GRIP1: variants seen among roughly 807,000 people sequenced by gnomAD.
GRIP1 encodes glutamate receptor-interacting protein 1.
Under a neutral mutation model 129.9 loss-of-function variants are expected in GRIP1, and 45 were observed. That is an observed-to-expected ratio of 0.35 (90% CI 0.27 to 0.44). GRIP1 has a LOEUF of 0.44. Among genes scored for constraint, GRIP1 ranks in the 20% least tolerant of loss-of-function variants. The pLI, the probability that GRIP1 is intolerant of heterozygous loss-of-function variation, is 1.00. For synonymous variants in GRIP1, 530 were observed against 520.8 expected (o/e 1.02, Z -0.24); for missense variants, 1,196 against 1,396.8 (o/e 0.86, Z 2.29).
intron 1 of GRIP1, among the ~76,000 whole-genome samples, chr12:66,848,390 A>G (rs1374213236): frequency 6.6e-6 from 1 of 152,168 alleles, no homozygotes; most frequent in Non-Finnish European, 1.5e-5. Context: ...GGCCCTAGGA[A>G]TAAAACAGTG....
intron 1 of GRIP1, among the ~76,000 whole-genome samples, chr12:66,658,593 G>GA (rs72271340): frequency 4.0e-5 from 6 of 148,830 alleles, no homozygotes; most frequent in African/African-American, 4.9e-5. Flanking sequence ...AAAAAAAAAA[G>GA]AAAAAAAAAT....
chr12:66,389,769 T>A (rs2056507593), intron 19 of GRIP1, among the ~76,000 whole-genome samples: 1 of 152,184 alleles, frequency 6.6e-6, no homozygotes, highest in Non-Finnish European at 1.5e-5. Context: ...CTCCGGGCTG[T>A]CGGGCTGTTG....
At chr12:66,980,758 A>G (rs532265300) in intron 1 of GRIP1, among the ~76,000 whole-genome samples, 32 of 152,354 alleles carry the variant, frequency 2.1e-4, no homozygotes, top group African/African-American at 7.7e-4. Flanking sequence ...CCCCAGGCAG[A>G]CTGATTCCAG....
At position 66,451,383 on chromosome 12, in the gene GRIP1, G is replaced by GGTTTTT. The variant is rs1565751885; in HGVS notation, c.1354+4025_1354+4026insAAAAAC. Among the ~76,000 whole-genome samples, 2 of 42,650 alleles carry GGTTTTT rather than the reference G, an allele frequency of 4.7e-5. 1 individual carries two copies. The highest frequency in any genetic ancestry group is 8.4e-5 in the Non-Finnish European group (2 of 23,900). The allele number at this position is 42,650 out of a possible 152,430, so 28.0% of individuals were successfully genotyped here. Reference sequence around the variant, plus strand: ...CCCCAAAGATTTATTATTATAATCTGTTTTTTTTTTTTTTTTTTTTTTTTT... The same window carrying GGTTTTT: ...CCCCAAAGATTTATTATTATAATCTGGTTTTTTTTTTTTTTTTTTTTTTTTTTTTTT... On this transcript the variant is annotated intron_variant, in intron 11 of 24. Transcript: ENST00000359742.
chr12:66,743,955 A>C (rs2036867876), intron 1 of GRIP1, among the ~76,000 whole-genome samples: 3 of 152,136 alleles, frequency 2.0e-5, no homozygotes, highest in Admixed American at 2.0e-4. Context: ...GCTGTACAGA[A>C]TTCCTTGTCC....
At chr12:66,886,781 C>T (rs1632370) in intron 1 of GRIP1, among the ~76,000 whole-genome samples, 110,434 of 152,056 alleles carry the variant, frequency 0.73, 40,193 homozygotes, top group Admixed American at 0.81. Context: ...AAAAGCACTC[C>T]CTAACAAATA....
chr12:66,906,376 G>C (rs1320128258), intron 1 of GRIP1, among the ~76,000 whole-genome samples: 3 of 152,154 alleles, frequency 2.0e-5, no homozygotes, highest in East Asian at 1.9e-4. Flanking sequence ...CGAAGCTGAA[G>C]AGTTGTGAGT....
intron 1 of GRIP1, among the ~76,000 whole-genome samples, chr12:66,642,450 T>C (rs766982619): frequency 2.6e-5 from 4 of 151,146 alleles, no homozygotes; most frequent in South Asian, 2.1e-4. Flanking sequence ...GAGAGAGAAA[T>C]TGAAGCTAGA....
intron 9 of GRIP1, among the ~76,000 whole-genome samples, chr12:66,461,678 TA>T (rs1476487430): frequency 6.6e-6 from 1 of 152,204 alleles, no homozygotes; most frequent in Non-Finnish European, 1.5e-5. Flanking sequence ...TCCATTTAAT[TA>T]AAAAGGTTGC....
intron 1 of GRIP1, among the ~76,000 whole-genome samples, chr12:66,945,868 A>G (rs2041660407): frequency 6.6e-6 from 1 of 152,212 alleles, no homozygotes; most frequent in Non-Finnish European, 1.5e-5. Context: ...CATTTTAGCA[A>G]ACGTTGGAGT....
intron 1 of GRIP1, among the ~76,000 whole-genome samples, chr12:67,016,738 TC>T (rs766635594): frequency 4.6e-5 from 7 of 152,220 alleles, no homozygotes; most frequent in Non-Finnish European, 8.8e-5. Context: ...TGAAATAATA[TC>T]ATCTTGTATC....
chr12:66,752,103 A>G (rs2037144660), intron 1 of GRIP1, among the ~76,000 whole-genome samples: 1 of 152,166 alleles, frequency 6.6e-6, no homozygotes, highest in Non-Finnish European at 1.5e-5. Context: ...TCTTGTAGAG[A>G]GAAAAGATTT....
chr12:66,656,111 G>C (rs888320712), intron 1 of GRIP1, among the ~76,000 whole-genome samples: 1 of 152,080 alleles, frequency 6.6e-6, no homozygotes, highest in Non-Finnish European at 1.5e-5. Context: ...AGGTTTTTGA[G>C]AGCAATGAGC....
At chr12:66,536,288 C>T (rs1213924713) in intron 4 of GRIP1, among the ~76,000 whole-genome samples, 1 of 152,166 alleles carries the variant, frequency 6.6e-6, no homozygotes, top group Admixed American at 6.6e-5. Flanking sequence ...AAACAAATCA[C>T]ATCATGTCAC....
chr12:66,638,472 C>T (rs1356290210), intron 1 of GRIP1, among the ~76,000 whole-genome samples: 1 of 152,112 alleles, frequency 6.6e-6, no homozygotes, highest in African/African-American at 2.4e-5. Context: ...TAATCAAACC[C>T]CAGTACTTTG....
intron 4 of GRIP1, among the ~76,000 whole-genome samples, chr12:66,531,164 G>A (rs1463983675): frequency 2.7e-5 from 4 of 150,302 alleles, no homozygotes; most frequent in African/African-American, 7.3e-5. Flanking sequence ...GAACCCGCGG[G>A]GGCGGAGGTT....
chr12:67,020,966 T>G (rs1388199632), intron 1 of GRIP1, among the ~76,000 whole-genome samples: 3 of 151,710 alleles, frequency 2.0e-5, no homozygotes, highest in Non-Finnish European at 4.4e-5. Context: ...GGCATGGTGG[T>G]GTGCACTTGT....
At chr12:66,587,386 A>C (rs2063681691) in intron 2 of GRIP1, among the ~76,000 whole-genome samples, 3 of 152,294 alleles carry the variant, frequency 2.0e-5, no homozygotes, top group Middle Eastern at 3.4e-3. Flanking sequence ...GGACCCCATA[A>C]CTTTCTGCTC....
chr12:66,629,694 C>T (rs544463127), intron 1 of GRIP1, among the ~76,000 whole-genome samples: 17 of 152,176 alleles, frequency 1.1e-4, no homozygotes, highest in Non-Finnish European at 2.4e-4. Flanking sequence ...ATGTTACAAA[C>T]CACACTGGAC....
Sources: gnomAD v4.1 joint callset for allele counts (sites outside exome capture counted in the v4.1 genomes callset) on GRCh38, gnomAD v4.1.1 for gene constraint, MANE v1.5 for transcripts, NCBI Gene and HGNC (gene_info 2026-07-23, HGNC 2026-07-21) for gene names.